ADAMTSL3: variants seen among roughly 807,000 people sequenced by gnomAD.
ADAMTSL3 encodes the protein ADAMTS-like protein 3.
Under a neutral mutation model 201.7 loss-of-function variants are expected in ADAMTSL3, and 128 were observed. That is an observed-to-expected ratio of 0.63 (90% confidence interval 0.55 to 0.73). The LOEUF is 0.73. Ranked by LOEUF, ADAMTSL3 falls within the 30% of genes least tolerant of loss-of-function variation. The probability of loss-of-function intolerance (pLI) is 0.00; values close to 1 mark genes in which losing one functional copy is unlikely to be tolerated. For missense variants in ADAMTSL3, 1,990 were observed against 2,119.6 expected (o/e 0.94, Z 1.20); for synonymous variants, 738 against 748.4 (o/e 0.99, Z 0.23).
At chr15:83,828,119 G>A (rs1194134640) in intron 6 of ADAMTSL3, among the ~76,000 whole-genome samples, 6 of 152,172 alleles carry the variant, frequency 3.9e-5, no homozygotes, top group African/African-American at 1.4e-4. Flanking sequence ...ACCTTGGGCA[G>A]TATGGCCATT....
chr15:83,878,383 A>G (rs1169348337), intron 9 of ADAMTSL3, among the ~76,000 whole-genome samples: 1 of 152,172 alleles, frequency 6.6e-6, no homozygotes, highest in Non-Finnish European at 1.5e-5. Flanking sequence ...TTGGAGGCCA[A>G]GGCAGGCGGA....
chr15:83,675,512 C>T (rs2061390850), intron 2 of ADAMTSL3, among the ~76,000 whole-genome samples: 1 of 151,480 alleles, frequency 6.6e-6, no homozygotes, highest in Non-Finnish European at 1.5e-5. Context: ...ATATATATTG[C>T]TGAATTCTAT....
At chr15:83,850,058 A>G (rs1390749117) in intron 7 of ADAMTSL3, among the ~76,000 whole-genome samples, 1 of 152,188 alleles carries the variant, frequency 6.6e-6, no homozygotes, top group Non-Finnish European at 1.5e-5. Flanking sequence ...TTTATGCACC[A>G]TAATACAAAA....
At chr15:83,893,769 A>T (rs2065556755) in intron 13 of ADAMTSL3, among the ~76,000 whole-genome samples, 2 of 152,208 alleles carry the variant, frequency 1.3e-5, no homozygotes. Flanking sequence ...TGACTGAGTA[A>T]GCCTCCAGAA....
chr15:83,952,976 A>C (rs1179666370), intron 19 of ADAMTSL3, among the ~76,000 whole-genome samples: 1 of 152,172 alleles, frequency 6.6e-6, no homozygotes, highest in Non-Finnish European at 1.5e-5. Flanking sequence ...TTGGCATGGA[A>C]CATCTAACTC....
chr15:83,860,702 G>A (rs1246478851), intron 8 of ADAMTSL3, among the ~76,000 whole-genome samples: 4 of 152,138 alleles, frequency 2.6e-5, no homozygotes, highest in East Asian at 1.9e-4. Flanking sequence ...CAAGATGGCC[G>A]AATAGGAATA....
chr15:83,743,095 A>C (rs967419061), intron 3 of ADAMTSL3, among the ~76,000 whole-genome samples: 2 of 151,918 alleles, frequency 1.3e-5, no homozygotes, highest in Non-Finnish European at 2.9e-5. Flanking sequence ...TTACCTCCTA[A>C]CTTTACTACA....
At chr15:83,882,992 T>C (rs1028166292) in intron 9 of ADAMTSL3, among the ~76,000 whole-genome samples, 1 of 152,000 alleles carries the variant, frequency 6.6e-6, no homozygotes, top group African/African-American at 2.4e-5. Flanking sequence ...TCTATTTGTC[T>C]ATTATCTCTA....
At chr15:83,948,195 G>A (rs1050795106) in intron 19 of ADAMTSL3, among the ~76,000 whole-genome samples, 6 of 152,042 alleles carry the variant, frequency 3.9e-5, no homozygotes, top group Non-Finnish European at 5.9e-5. Flanking sequence ...ATTACAACTC[G>A]TGAAGGAAGT....
At chr15:83,810,982 G>A (rs145128164) in intron 5 of ADAMTSL3, among the ~76,000 whole-genome samples, 7 of 152,062 alleles carry the variant, frequency 4.6e-5, no homozygotes, top group African/African-American at 7.2e-5. Flanking sequence ...CAAGTGATCC[G>A]CCCACTTCGG....
chr15:83,933,876 G>A (rs1324641938), intron 17 of ADAMTSL3, among the ~76,000 whole-genome samples: 1 of 152,226 alleles, frequency 6.6e-6, no homozygotes, highest in Non-Finnish European at 1.5e-5. Flanking sequence ...GTGGTGTTGG[G>A]CCTGCAGGTG....
At chr15:83,966,224 A>G (rs1285347539) in intron 19 of ADAMTSL3, among the ~76,000 whole-genome samples, 1 of 152,214 alleles carries the variant, frequency 6.6e-6, no homozygotes, top group African/African-American at 2.4e-5. Flanking sequence ...AAACTCTTCA[A>G]AAATATCAAT....
chr15:83,782,967 TATATTATATATATAC>T (rs1319067159), intron 4 of ADAMTSL3, among the ~76,000 whole-genome samples: 5 of 140,838 alleles, frequency 3.6e-5, no homozygotes, highest in South Asian at 4.2e-4. Context: ...TATATATACA[TATATTATATATATAC>T]ATATTATATA....
chr15:83,797,493 C>A (rs7180730), intron 4 of ADAMTSL3, among the ~76,000 whole-genome samples: 55,595 of 151,654 alleles, frequency 0.37, 12,143 homozygotes, highest in African/African-American at 0.61. Context: ...CCCAGCTACT[C>A]GGAAGGCTGA....
chr15:83,914,849 TTTTG>T (rs140942655), intron 16 of ADAMTSL3, among the ~76,000 whole-genome samples: 1,997 of 26,438 alleles, frequency 0.076, 24 homozygotes, highest in Admixed American at 0.089. Context: ...GTTTGTTTGG[TTTTG>T]TTTGTTTGTT....
intron 8 of ADAMTSL3, among the ~76,000 whole-genome samples, chr15:83,865,114 G>A (rs2064947160): frequency 6.6e-6 from 1 of 152,204 alleles, no homozygotes; most frequent in African/African-American, 2.4e-5. Context: ...AAATAAAAGA[G>A]GATACAAACA....
intron 7 of ADAMTSL3, among the ~76,000 whole-genome samples, chr15:83,847,529 T>C (rs1596309864): frequency 6.6e-6 from 1 of 151,736 alleles, no homozygotes; most frequent in Non-Finnish European, 1.5e-5. Context: ...GAGTTTTGCT[T>C]TTGTTGCCCA....
At chr15:83,714,690 TC>T (rs2141545542) in intron 3 of ADAMTSL3, among the ~76,000 whole-genome samples, 1 of 129,594 alleles carries the variant, frequency 7.7e-6, no homozygotes, top group East Asian at 2.6e-4. Flanking sequence ...CCTCCCTTCC[TC>T]CCTTCCTTCC....
rs577361729 is a variant in ADAMTSL3 at position 83,764,068 on chromosome 15, A to T, written c.190-9455A>T. 3.3e-5 allele frequency among the ~76,000 whole-genome samples: 5 copies of T among 152,216 alleles called. No individual in the cohort carries two copies. The East Asian group carries it at 9.7e-4, about 29-fold the overall frequency. On this transcript the variant is annotated intron_variant, in intron 3 of 29. Coordinates refer to ENST00000286744, the MANE Select transcript of ADAMTSL3 (RefSeq NM_207517.3). The stretch of plus-strand genomic sequence containing the variant: ...ACAGAAGCCTGGGAGTCATCCTAAC[A>T]TCTCCTTTCTTCCTGCATCTGGTCA...
Sources: allele counts gnomAD v4.1 joint callset (sites outside exome capture counted in the v4.1 genomes callset), GRCh38; gene constraint gnomAD v4.1.1; transcripts MANE v1.5; gene names NCBI Gene and HGNC (gene_info 2026-07-23, HGNC 2026-07-21).